FNTB: variants seen among roughly 807,000 people sequenced by gnomAD.
FNTB encodes protein farnesyltransferase subunit beta.
A neutral mutation model predicts 59.4 loss-of-function variants in FNTB; 27 were observed. That is an observed-to-expected ratio of 0.45 (90% confidence interval 0.34 to 0.63). The LOEUF is 0.63. FNTB is among the 20% of genes least tolerant of loss of function. The probability of loss-of-function intolerance (pLI) is 0.02; values close to 1 mark genes in which losing one functional copy is unlikely to be tolerated. For missense variants in FNTB, 449 were observed against 559.6 expected, an observed-to-expected ratio of 0.80 and a Z score of 1.99; for synonymous variants, 230 against 220.7, an observed-to-expected ratio of 1.04 and a Z score of -0.37.
chr14:65,005,511 T>TCTC (rs1555390097), intron 2 of FNTB, among the ~76,000 whole-genome samples: 3 of 64,436 alleles, frequency 4.7e-5, no homozygotes, highest in African/African-American at 1.5e-4. Context: ...CTTTCTTTCT[T>TCTC]TCTCTCTCTC....
intron 1 of FNTB, among the ~76,000 whole-genome samples, chr14:64,995,049 A>T (rs780791048): frequency 1.3e-5 from 2 of 152,218 alleles, no homozygotes; most frequent in African/African-American, 2.4e-5. Flanking sequence ...TTTCTACTTT[A>T]AATTTTTTAA....
chr14:64,995,477 G>A (rs1888358379), intron 1 of FNTB, among the ~76,000 whole-genome samples: 1 of 152,080 alleles, frequency 6.6e-6, no homozygotes, highest in Non-Finnish European at 1.5e-5. Flanking sequence ...CCACAGGCAT[G>A]TGAGTAATGC....
intron 1 of FNTB, among the ~76,000 whole-genome samples, chr14:64,988,680 C>T (rs986200371): frequency 3.3e-5 from 5 of 152,266 alleles, no homozygotes; most frequent in Middle Eastern, 3.4e-3. Flanking sequence ...GATCTGCCCT[C>T]CTCGGCCTCC....
intron 7 of FNTB, among the ~76,000 whole-genome samples, chr14:65,033,417 A>G (rs2062124340): frequency 1.3e-5 from 2 of 152,248 alleles, no homozygotes; most frequent in South Asian, 2.1e-4. Flanking sequence ...GAAATGAGAT[A>G]AGTCTGCATA....
At position 65,044,296 on chromosome 14, in the gene FNTB, T is replaced by C; in HGVS notation, c.823-15T>C. 1 of 1,612,228 alleles carries C rather than the reference T, an allele frequency of 6.2e-7. No homozygotes were observed. Among genetic ancestry groups the C allele is most frequent in the Non-Finnish European group, 8.5e-7 (1 of 1,179,292 alleles). ...TTTTAGCCTACAACTGCCTTTCCCATCTGTGTCTCCTCAGCAATGGGTGAC... is the reference window on the plus strand; with the variant it reads ...TTTTAGCCTACAACTGCCTTTCCCACCTGTGTCTCCTCAGCAATGGGTGAC... On this transcript the variant is annotated splice_polypyrimidine_tract_variant and intron_variant, in intron 8 of 11. Transcript: ENST00000246166. The surrounding 1 kb of genome is among the most constrained non-coding windows in gnomAD (Gnocchi z 5.5).
intron 1 of FNTB, 81 bp downstream of exon 1, chr14:64,987,178 G>A: frequency 6.6e-7 from 1 of 1,517,762 alleles, no homozygotes; most frequent in Non-Finnish European, 9.0e-7. Context: ...GCCCGGGTGC[G>A]GAACTCACCG....
rs958687640 is a variant in FNTB, at chr14:65,031,217, A to G, written c.606-1393A>G. Among the ~76,000 whole-genome samples the G allele has an allele frequency of 1.3e-5, 2 of 152,198 alleles. No homozygotes were observed. Among genetic ancestry groups the G allele is most frequent in the African/African-American group, 2.4e-5 (1 of 41,452 alleles). The stretch of plus-strand genomic sequence containing the variant: ...GAAAGGCAGTCTGTGTGTGTATACC[A>G]TGACAGAGGGAGAAGCTGAAATAAA... On this transcript the variant is annotated intron_variant, in intron 6 of 11. Coordinates refer to ENST00000246166, the MANE Select transcript of FNTB (RefSeq NM_002028.4). This position sits in a 1 kb window ranked among gnomAD's most constrained non-coding sequence, Gnocchi z 4.6.
rs2062083022 is a variant in FNTB at position 65,031,510 on chromosome 14, G to A, written c.606-1100G>A. ...TTTTTGTGTTTTTAGTGGAGACGGG[G>A]TTTCGCAATATTGGTCAGGTTGGTC... On this transcript the variant is annotated intron_variant, in intron 6 of 11. Transcript: ENST00000246166. This position sits in a 1 kb window ranked among gnomAD's most constrained non-coding sequence, Gnocchi z 4.6. Among the ~76,000 whole-genome samples the A allele has an allele frequency of 6.6e-6, 1 of 151,782 alleles. No homozygotes were observed. Among genetic ancestry groups the A allele is most frequent in the Non-Finnish European group, 1.5e-5 (1 of 67,960 alleles).
In FNTB at chr14:65,058,546, G is replaced by C. The variant is rs187087409; in HGVS notation, c.1183-2635G>C. The stretch of plus-strand genomic sequence containing the variant: ...TCGTCTCTTGCTCCTGATTATAATG[G>C]GAAGGCTTTTTATAACCTGATCATT... On this transcript the variant is annotated intron_variant, in intron 11 of 11. Transcript: ENST00000246166. Among the ~76,000 whole-genome samples the C allele has an allele frequency of 2.0e-5, 3 of 152,208 alleles. No individual in the cohort carries two copies. In the East Asian group the frequency reaches 5.8e-4, roughly 29 times the overall value.
rs968636370 is a variant in FNTB at position 65,011,215 on chromosome 14, G to A, written c.210-1102G>A. Among the ~76,000 whole-genome samples, 2 of 152,138 alleles carry A rather than the reference G, an allele frequency of 1.3e-5. No individual in the cohort carries two copies. Among genetic ancestry groups the A allele is most frequent in the Admixed American group, 1.3e-4 (2 of 15,276 alleles). The stretch of plus-strand genomic sequence containing the variant: ...AGGCCAAGGCAGGGGATTACCTGAG[G>A]TCAGGAGTTCAAGACCAGCCTGGGC... On this transcript the variant is annotated intron_variant, in intron 2 of 11. Transcript: ENST00000246166. This position sits in a 1 kb window ranked among gnomAD's most constrained non-coding sequence, Gnocchi z 4.0.
At position 65,027,292 on chromosome 14, in the gene FNTB, G is replaced by T; in HGVS notation, c.375-161G>T. The T allele has an allele frequency of 9.1e-7, 1 of 1,093,142 alleles. No homozygotes were observed. The highest frequency in any genetic ancestry group is 1.3e-6 in the Non-Finnish European group (1 of 767,620). 67.7% of individuals were successfully genotyped at this position (1,093,142 alleles called of 1,614,324 possible). On this transcript the variant is annotated intron_variant, in intron 4 of 11. Coordinates refer to ENST00000246166, the MANE Select transcript of FNTB (RefSeq NM_002028.4). This position sits in a 1 kb window ranked among gnomAD's most constrained non-coding sequence, Gnocchi z 5.7. ...TGATGATAGCTGGAGAGAGAATTAA[G>T]CCCTTTGGGGAGAGGTTATATTCAA...
At chr14:65,036,131 C>T (rs1410005188) in intron 7 of FNTB, among the ~76,000 whole-genome samples, 1 of 152,124 alleles carries the variant, frequency 6.6e-6, no homozygotes, top group South Asian at 2.1e-4. Context: ...CGATGGCCAG[C>T]CTGCCATTTC....
chr14:65,051,244 A>G (rs770123239), intron 9 of FNTB, among the ~76,000 whole-genome samples: 5 of 152,194 alleles, frequency 3.3e-5, no homozygotes, highest in Admixed American at 6.5e-5. Flanking sequence ...CTAGTGCTCA[A>G]CCTTGGAAAC....
rs544695356 is a variant in FNTB, at chr14:65,036,479, C to T, written c.692+3783C>T. Among the ~76,000 whole-genome samples the T allele has an allele frequency of 2.2e-3, 335 of 151,714 alleles. 1 individual carries two copies. Among genetic ancestry groups the T allele is most frequent in the Non-Finnish European group, 4.0e-3 (270 of 67,886 alleles). On this transcript the variant is annotated intron_variant, in intron 7 of 11. Coordinates refer to ENST00000246166, the MANE Select transcript of FNTB (RefSeq NM_002028.4). ...CTTAAACCCCTGAGCTTAAGCAATC[C>T]GCCTGCCTCAGCCTCCCAAAGTGCT... is the stretch of plus-strand genomic sequence containing the variant.
chr14:64,996,295 A>G (rs990904029), intron 1 of FNTB, among the ~76,000 whole-genome samples: 1 of 152,148 alleles, frequency 6.6e-6, no homozygotes, highest in African/African-American at 2.4e-5. Context: ...ATTATAAGAA[A>G]GAAAGAAAGA....
chr14:65,022,016 T>C (rs1403510493), intron 4 of FNTB: 9 of 455,902 alleles, frequency 2.0e-5, no homozygotes, highest in South Asian at 7.7e-5. Flanking sequence ...CGGTGCTTGA[T>C]GAAGAGTCAA....
chr14:65,037,156 T>G (rs569087944), intron 7 of FNTB, among the ~76,000 whole-genome samples: 46 of 151,246 alleles, frequency 3.0e-4, no homozygotes, highest in African/African-American at 1.0e-3. Context: ...CGGGCTGGAG[T>G]GCAATGGCGT....
intron 10 of FNTB, among the ~76,000 whole-genome samples, 179 bp downstream of exon 10, chr14:65,053,528 T>C (rs2296316): frequency 0.6 from 90,291 of 151,690 alleles, 29,583 homozygotes; most frequent in African/African-American, 0.89. Context: ...GCCATTGATC[T>C]TGGCACCTCC....
chr14:65,045,914 T>G (rs1421804097), intron 9 of FNTB, among the ~76,000 whole-genome samples: 1 of 152,246 alleles, frequency 6.6e-6, no homozygotes, highest in Admixed American at 6.5e-5. Flanking sequence ...GCACTGACTT[T>G]GGAGCCTGCA....
Sources: gnomAD v4.1 joint callset for allele counts (sites outside exome capture counted in the v4.1 genomes callset) on GRCh38, gnomAD v4.1.1 for gene constraint, Gnocchi (gnomAD v3.1) non-coding constraint, MANE v1.5 for transcripts, NCBI Gene and HGNC (gene_info 2026-07-23, HGNC 2026-07-21) for gene names.